The following ZBTB18 variants were observed in gnomAD, a reference collection of about 807,000 sequenced individuals.
ZBTB18 encodes zinc finger and BTB domain containing 18.
ZBTB18 carries 2 observed loss-of-function variants against 37.7 expected under a neutral mutation model. The ratio of observed to expected loss-of-function variants is 0.05; its 90% CI spans 0.02 to 0.17. ZBTB18 has a LOEUF of 0.17. ZBTB18 is among the 10% of genes least tolerant of loss of function. The pLI, the probability that ZBTB18 is intolerant of heterozygous loss-of-function variation, is 1.00. For synonymous variants in ZBTB18, 304 were observed against 276.5 expected (o/e 1.10, Z -0.99); for missense variants, 408 against 686.3 (o/e 0.59, Z 4.53).
In ZBTB18 at chr1:244,051,290, G is replaced by A; in HGVS notation, c.-142G>A. The A allele has an allele frequency of 4.9e-6, 4 of 824,408 alleles. No homozygotes were observed. The highest frequency in any genetic ancestry group is 2.3e-5 in the Admixed American group (1 of 42,922). The allele number at this position is 824,408 out of a possible 1,614,324, so 51.1% of individuals were successfully genotyped here. The stretch of plus-strand genomic sequence containing the variant: ...ACACACAGACAGGGAGTTAGTGTGT[G>A]CGGATCTGTGGTGGAGAAGGTATCT... On this transcript the variant is annotated 5_prime_UTR_variant, in exon 1 of 2. Transcript: ENST00000358704.
In ZBTB18 at chr1:244,053,706, G is replaced by T; in HGVS notation, c.14-82G>T. 1 of 1,524,024 alleles carries T rather than the reference G, an allele frequency of 6.6e-7. No individual in the cohort carries two copies. Among genetic ancestry groups the T allele is most frequent in the Non-Finnish European group, 8.8e-7 (1 of 1,138,718 alleles). 94.4% of individuals were successfully genotyped at this position (1,524,024 alleles called of 1,614,324 possible). On this transcript the variant is annotated intron_variant, in intron 1 of 1. Coordinates refer to ENST00000358704, the MANE Select transcript of ZBTB18 (RefSeq NM_205768.3). The surrounding 1 kb of genome is among the most constrained non-coding windows in gnomAD (Gnocchi z 5.2). ...GACATGTACCACGGCGGCCAAAGCG[G>T]AATTAATTTTTTTATATGGGGACTG...
At chr1:244,049,606 C>T (rs1298985206), upstream of ZBTB18, among the ~76,000 whole-genome samples, 1 of 152,176 alleles carries the variant, frequency 6.6e-6, no homozygotes, top group African/African-American at 2.4e-5. Context: ...TGCCGTGACC[C>T]GGGTCTGTTT....
chr1:244,050,889 G>A (rs1698335901), upstream of ZBTB18, among the ~76,000 whole-genome samples: 1 of 152,170 alleles, frequency 6.6e-6, no homozygotes, highest in Non-Finnish European at 1.5e-5. Context: ...TCCCTAAACT[G>A]CTTTAGAAAC....
rs1025520258 is a variant in ZBTB18, at chr1:244,056,096, G to C, written c.*726G>C. 5 of 166,954 alleles carry C rather than the reference G, an allele frequency of 3.0e-5. No individual in the cohort carries two copies. Among genetic ancestry groups the C allele is most frequent in the African/African-American group, 1.2e-4 (5 of 41,394 alleles). 10.3% of individuals were successfully genotyped at this position (166,954 alleles called of 1,614,324 possible). On this transcript the variant is annotated 3_prime_UTR_variant, in exon 2 of 2. Coordinates refer to ENST00000358704, the MANE Select transcript of ZBTB18 (RefSeq NM_205768.3). Reference sequence around the variant, plus strand: ...TGTAATTGATTACATGGGCTGGGGGGGTGTCAAAGAACTTGACAGGTTGTG... The same window carrying C: ...TGTAATTGATTACATGGGCTGGGGGCGTGTCAAAGAACTTGACAGGTTGTG...
At chr1:244,052,314 A>G (rs1274668931) in intron 1 of ZBTB18, among the ~76,000 whole-genome samples, 2 of 152,136 alleles carry the variant, frequency 1.3e-5, no homozygotes, top group East Asian at 3.8e-4. Flanking sequence ...TAGCCTTCTC[A>G]AGGATTAGGA....
chr1:244,053,776 C>A lies in ZBTB18; in HGVS notation c.14-12C>A, dbSNP rs1698398335. The A allele has an allele frequency of 5.7e-6, 9 of 1,588,822 alleles. No individual in the cohort carries two copies. The highest frequency in any genetic ancestry group is 7.7e-6 in the Non-Finnish European group (9 of 1,165,908). Reference sequence around the variant, plus strand: ...CTGACCAGGCTCTAATGAGAAATTCCTCTCTCCCCAGGTTATGAAGACAGT... The same window carrying A: ...CTGACCAGGCTCTAATGAGAAATTCATCTCTCCCCAGGTTATGAAGACAGT... On this transcript the variant is annotated splice_polypyrimidine_tract_variant and intron_variant, in intron 1 of 1. Transcript: ENST00000358704. This position sits in a 1 kb window ranked among gnomAD's most constrained non-coding sequence, Gnocchi z 5.2.
At position 244,055,982 on chromosome 1, in the gene ZBTB18, T is replaced by C. The variant is rs1698460550; in HGVS notation, c.*612T>C. The C allele has an allele frequency of 1.2e-5, 2 of 167,208 alleles. No individual in the cohort carries two copies. The highest frequency in any genetic ancestry group is 1.9e-4 in the East Asian group (1 of 5,186). 10.4% of individuals were successfully genotyped at this position (167,208 alleles called of 1,614,324 possible). A position where few individuals can be genotyped will look rare whatever the true frequency, so the allele number is the denominator to read the frequency against. ...CTGGGATCACTGGGACACTGTCTTATGAAGGTTTGCTTGGGATGAAAAAGG... is the reference window on the plus strand; with the variant it reads ...CTGGGATCACTGGGACACTGTCTTACGAAGGTTTGCTTGGGATGAAAAAGG... On this transcript the variant is annotated 3_prime_UTR_variant, in exon 2 of 2. Transcript: ENST00000358704. This position sits in a 1 kb window ranked among gnomAD's most constrained non-coding sequence, Gnocchi z 7.0.
chr1:244,049,922 G>A (rs1698315262), upstream of ZBTB18, among the ~76,000 whole-genome samples: 1 of 152,190 alleles, frequency 6.6e-6, no homozygotes, highest in African/African-American at 2.4e-5. Flanking sequence ...ACCCCACTGG[G>A]TAAATGGGGT....
In ZBTB18 at chr1:244,054,678, G is replaced by C. The variant is rs1399207511; in HGVS notation, c.904G>C (p.Glu302Gln). Residue 302 changes from glutamate to glutamine, a missense_variant, in exon 2 of 2, where the codon GAA becomes CAA. Physicochemically the swap from Glu to Gln is conservative, Grantham distance 29. Around this residue, in one of 4 missense-constraint regions of ZBTB18, gnomAD observed 266 missense variants for 312.0 expected, o/e 0.85. Coordinates refer to ENST00000358704, the MANE Select transcript of ZBTB18 (RefSeq NM_205768.3). The surrounding 1 kb of genome is among the most constrained non-coding windows in gnomAD (Gnocchi z 9.0). Reference sequence around the variant, plus strand: ...TGTTGGCACTAATGACTATGACATGGAACATAGCACTGTGAAAGAAAGTGT... The same window carrying C: ...TGTTGGCACTAATGACTATGACATGCAACATAGCACTGTGAAAGAAAGTGT... ...SDVGTNDYDM[E>Q]HSTVKESVST... The C allele has an allele frequency of 1.2e-6, 2 of 1,614,216 alleles. No homozygotes were observed. The highest frequency in any genetic ancestry group is 3.3e-5 in the Admixed American group (2 of 60,028).
In ZBTB18 at chr1:244,055,021, T is replaced by A; in HGVS notation, c.1247T>A (p.Val416Asp). The A allele has an allele frequency of 6.2e-7, 1 of 1,614,174 alleles. No individual in the cohort carries two copies. The highest frequency in any genetic ancestry group is 8.5e-7 in the Non-Finnish European group (1 of 1,180,032). The stretch of plus-strand genomic sequence containing the variant: ...ATCCGCAGCAAGCCCGCCGCCGATG[T>A]CAACGTGCCCACGTGCTCGCTGTGT... ...DGIRSKPAAD[V>D]NVPTCSLCGK... Residue 416 changes from valine (V) to aspartate (D), a missense_variant, in exon 2 of 2, where the codon GTC becomes GAC. Physicochemically the swap from Val to Asp is radical, Grantham distance 152. Transcript: ENST00000358704. This position sits in a 1 kb window ranked among gnomAD's most constrained non-coding sequence, Gnocchi z 7.0.
Position 244,054,491 on chromosome 1 carries a change from G to C in ZBTB18, c.717G>C (p.Val239=). The C allele has an allele frequency of 6.2e-7, 1 of 1,614,236 alleles. No homozygotes were observed. Among genetic ancestry groups the C allele is most frequent in the South Asian group, 1.1e-5 (1 of 91,084 alleles). ...ESLSQRSVTS[V]RDSADVDCVL... is the part of the protein sequence containing the mutation. ...TGTCCCAGAGGTCTGTCACCTCCGTGAGGGATTCGGCAGATGTTGACTGTG... is the reference window on the plus strand; with the variant it reads ...TGTCCCAGAGGTCTGTCACCTCCGTCAGGGATTCGGCAGATGTTGACTGTG... The change falls in exon 2 of 2, where the codon GTG becomes GTC. Residue 239 remains valine, a synonymous_variant. Coordinates refer to ENST00000358704, the MANE Select transcript of ZBTB18 (RefSeq NM_205768.3). This position sits in a 1 kb window ranked among gnomAD's most constrained non-coding sequence, Gnocchi z 9.0.
chr1:244,054,578 C>G lies in ZBTB18; in HGVS notation c.804C>G (p.Phe268Leu). The G allele has an allele frequency of 6.2e-7, 1 of 1,614,250 alleles. No individual in the cohort carries two copies. The highest frequency in any genetic ancestry group is 8.5e-7 in the Non-Finnish European group (1 of 1,180,046). The change falls in exon 2 of 2, where the codon TTC (phenylalanine) becomes TTG (leucine). Residue 268 changes from phenylalanine to leucine, a missense_variant. By Grantham distance (22) the Phe-to-Leu change is conservative (BLOSUM62 0). Coordinates refer to ENST00000358704, the MANE Select transcript of ZBTB18 (RefSeq NM_205768.3). This position sits in a 1 kb window ranked among gnomAD's most constrained non-coding sequence, Gnocchi z 9.0. ...TTGAAAATCTGAACAGCTCTTATTT[C>G]TCTTCACAGGACGTGCTGAGAAGCA... ...SGVENLNSSYFSSQDVLRSNL... is the reference protein window; with the variant it reads ...SGVENLNSSYLSSQDVLRSNL...
At chr1:244,051,557 G>T in intron 1 of ZBTB18, 113 bp downstream of exon 1, 1 of 1,303,444 alleles carries the variant, frequency 7.7e-7, no homozygotes, top group Non-Finnish European at 1.1e-6. Flanking sequence ...ATATGAAATT[G>T]AGTATTAAAT....
rs1231665721 is a variant in ZBTB18 at position 244,054,162 on chromosome 1, G to A, written c.388G>A (p.Ala130Thr). ...CTGCAAAAAGAAGCTGAAAGAGAAA[G>A]CCACCACGGAGGCAGACAGCACCAA... Reference protein sequence around the residue: ...KVCKKKLKEKATTEADSTKKE... With the variant: ...KVCKKKLKEKTTTEADSTKKE... The change falls in exon 2 of 2, where the codon GCC becomes ACC. Residue 130 changes from alanine to threonine, a missense_variant. Around this residue, in one of 4 missense-constraint regions of ZBTB18, gnomAD observed 95 missense variants for 218.7 expected, o/e 0.43. Transcript: ENST00000358704. The surrounding 1 kb of genome is among the most constrained non-coding windows in gnomAD (Gnocchi z 9.0). The A allele has an allele frequency of 6.2e-7, 1 of 1,614,094 alleles. No homozygotes were observed. The highest frequency in any genetic ancestry group is 8.5e-7 in the Non-Finnish European group (1 of 1,180,022).
chr1:244,052,640 T>C (rs1167374013), intron 1 of ZBTB18, among the ~76,000 whole-genome samples: 2 of 152,178 alleles, frequency 1.3e-5, no homozygotes, highest in African/African-American at 2.4e-5. Flanking sequence ...TTTGCCTTTC[T>C]CCTCCCTCCA....
In ZBTB18 at chr1:244,057,316, C is replaced by G. The variant is rs1185440997; in HGVS notation, c.*1946C>G. On this transcript the variant is annotated 3_prime_UTR_variant, in exon 2 of 2. Coordinates refer to ENST00000358704, the MANE Select transcript of ZBTB18 (RefSeq NM_205768.3). The stretch of plus-strand genomic sequence containing the variant: ...TCCTTTTCTTAGTTTCACATTCTTC[C>G]TTTGTTCTAAAACTTAGACTGACAT... The G allele has an allele frequency of 6.0e-6, 1 of 166,894 alleles. No homozygotes were observed. Among genetic ancestry groups the G allele is most frequent in the African/African-American group, 2.4e-5 (1 of 41,408 alleles). The allele number at this position is 166,894 out of a possible 1,614,324, so 10.3% of individuals were successfully genotyped here.
chr1:244,051,475 AT>A, intron 1 of ZBTB18, 31 bp downstream of exon 1: 1 of 1,612,996 alleles, frequency 6.2e-7, no homozygotes, highest in Non-Finnish European at 8.5e-7. Flanking sequence ...GATTGAGCAT[AT>A]TTCTGTTTTG....
At chr1:244,048,824 G>T (rs990209960), upstream of ZBTB18, 1 of 148,866 alleles carries the variant, frequency 6.7e-6, no homozygotes, top group Non-Finnish European at 1.5e-5. Flanking sequence ...GGGGCGGGGG[G>T]GAGCGGGCGA....
In ZBTB18 at chr1:244,054,859, G is replaced by A. The variant is rs779785882; in HGVS notation, c.1085G>A (p.Ser362Asn). 3.8e-5 allele frequency: 62 copies of A among 1,613,994 alleles called. No individual in the cohort carries two copies. Among genetic ancestry groups the A allele is most frequent in the Non-Finnish European group, 4.3e-5 (51 of 1,180,038 alleles). Residue 362 changes from serine to asparagine, a missense_variant, in exon 2 of 2, where the codon AGC (serine) becomes AAC (asparagine). Around this residue, in one of 4 missense-constraint regions of ZBTB18, gnomAD observed 266 missense variants for 312.0 expected, o/e 0.85. Transcript: ENST00000358704. This position sits in a 1 kb window ranked among gnomAD's most constrained non-coding sequence, Gnocchi z 9.0. ...GTCCAGGTGGAGGGAGGCATGGAGA[G>A]CAGTCTGCTCCCCTACGTCTCCAAC... is the stretch of plus-strand genomic sequence containing the variant. The part of the protein sequence containing the change: ...ERVQVEGGME[S>N]SLLPYVSNIL...
Sources: allele counts gnomAD v4.1 joint callset (sites outside exome capture counted in the v4.1 genomes callset), GRCh38; gene constraint gnomAD v4.1.1; regional missense constraint gnomAD v4.1.1; non-coding constraint Gnocchi (gnomAD v3.1); transcripts MANE v1.5; gene names NCBI Gene and HGNC (gene_info 2026-07-23, HGNC 2026-07-21).